DAB1: variants seen among roughly 807,000 people sequenced by gnomAD.
DAB1 encodes the protein DAB adaptor protein 1, also known as disabled homolog 1.
DAB1 carries 15 observed loss-of-function variants against 64.6 expected under a neutral mutation model. The ratio of observed to expected loss-of-function variants is 0.23; its 90% CI spans 0.16 to 0.36. The LOEUF (loss-of-function observed/expected upper bound fraction) is 0.36, where lower values mean the gene tolerates loss of function less well. Among genes scored for constraint, DAB1 ranks in the 10% least tolerant of loss-of-function variants. The probability of loss-of-function intolerance (pLI) is 1.00; values close to 1 mark genes in which losing one functional copy is unlikely to be tolerated. For synonymous variants in DAB1, 235 were observed against 251.9 expected (o/e 0.93, Z 0.64); for missense variants, 596 against 706.7 (o/e 0.84, Z 1.78).
chr1:57,855,511 C>A (rs1653712655), intron 1 of DAB1, among the ~76,000 whole-genome samples: 5 of 152,008 alleles, frequency 3.3e-5, no homozygotes, highest in Admixed American at 3.3e-4. Flanking sequence ...AGTGATGGTG[C>A]TTTCAGGTTG....
chr1:57,529,533 A>T (rs895608244), intron 7 of DAB1, among the ~76,000 whole-genome samples: 4 of 152,126 alleles, frequency 2.6e-5, no homozygotes, highest in African/African-American at 9.6e-5. Context: ...AAGAATGAAA[A>T]GCTATACAAT....
intron 4 of DAB1, among the ~76,000 whole-genome samples, chr1:57,087,637 C>A (rs950562952): frequency 1.1e-4 from 17 of 152,248 alleles, no homozygotes; most frequent in African/African-American, 3.9e-4. Context: ...GAAGCCTGTG[C>A]CTGTCATTTT....
chr1:58,033,745 A>G (rs78437934), intron 5 of DAB1, among the ~76,000 whole-genome samples: 5,392 of 152,278 alleles, frequency 0.035, 227 homozygotes, highest in African/African-American at 0.11. Context: ...ACTACTCTAC[A>G]TTTTGAAGAT....
intron 7 of DAB1, among the ~76,000 whole-genome samples, chr1:57,628,341 A>G (rs944128645): frequency 6.6e-6 from 1 of 152,234 alleles, no homozygotes; most frequent in Non-Finnish European, 1.5e-5. Flanking sequence ...TTGAAGACAC[A>G]AAGGAATCGG....
chr1:57,343,446 G>A (rs954790792), intron 1 of DAB1, among the ~76,000 whole-genome samples: 3 of 152,206 alleles, frequency 2.0e-5, no homozygotes, highest in African/African-American at 4.8e-5. Flanking sequence ...CGCACCGTGC[G>A]CCCGCACTCC....
intron 7 of DAB1, among the ~76,000 whole-genome samples, chr1:57,449,172 G>A (rs1686257869): frequency 6.6e-6 from 1 of 152,076 alleles, no homozygotes; most frequent in Non-Finnish European, 1.5e-5. Flanking sequence ...ACACTTCAAA[G>A]GAGAAATGTG....
intron 6 of DAB1, among the ~76,000 whole-genome samples, chr1:57,657,362 G>T (rs549471825): frequency 2.6e-5 from 4 of 152,290 alleles, no homozygotes; most frequent in African/African-American, 9.6e-5. Context: ...CATAGCAAAG[G>T]TGTGAGCAGT....
intron 6 of DAB1, among the ~76,000 whole-genome samples, chr1:57,687,464 C>T (rs778775661): frequency 4.6e-5 from 7 of 151,812 alleles, no homozygotes; most frequent in Non-Finnish European, 7.4e-5. Flanking sequence ...ACCATACTGC[C>T]CAAAGTAATC....
rs1399654324 is a variant in DAB1, at chr1:57,284,099, CATT to C, written c.67+6862_67+6864del. ...AAAGAGTTTTAATGAGAATCATCCT[CATT>C]ATGATAAACATGGAATATTTTAATG... On this transcript the variant is annotated intron_variant, in intron 2 of 14. Coordinates refer to ENST00000371236, the MANE Select transcript of DAB1 (RefSeq NM_001365792.1). 6.6e-5 allele frequency among the ~76,000 whole-genome samples: 10 copies of C among 152,212 alleles called. No individual in the cohort carries two copies. In the East Asian group the frequency reaches 1.7e-3, roughly 26 times the overall value.
intron 7 of DAB1, among the ~76,000 whole-genome samples, chr1:57,648,993 G>A (rs1433940951): frequency 1.3e-5 from 2 of 152,154 alleles, no homozygotes; most frequent in African/African-American, 2.4e-5. Flanking sequence ...AAGAATAGGC[G>A]TTTTCAATTG....
chr1:57,936,496 A>G (rs1645026354), intron 5 of DAB1, among the ~76,000 whole-genome samples: 1 of 152,166 alleles, frequency 6.6e-6, no homozygotes, highest in Non-Finnish European at 1.5e-5. Context: ...GGTTCAAGCA[A>G]TTCTCCTGCC....
At chr1:57,374,829 A>G (rs1022298522) in intron 1 of DAB1, among the ~76,000 whole-genome samples, 2 of 152,212 alleles carry the variant, frequency 1.3e-5, no homozygotes, top group East Asian at 3.8e-4. Context: ...AATATTTCAC[A>G]TGAAGCCAGT....
At chr1:58,421,828 C>T (rs945591433) in intron 3 of DAB1, among the ~76,000 whole-genome samples, 1 of 152,124 alleles carries the variant, frequency 6.6e-6, no homozygotes, top group East Asian at 1.9e-4. Context: ...ATTTGAAGGG[C>T]TGTCATGAGG....
chr1:57,063,061 C>T, intron 8 of DAB1, 118 bp from the exon 9 acceptor site: 1 of 809,200 alleles, frequency 1.2e-6, no homozygotes, highest in Middle Eastern at 2.3e-4. Flanking sequence ...GCCCCAGGGA[C>T]AAGCCCATGG....
At chr1:58,387,014 C>A (rs564839287) in intron 3 of DAB1, among the ~76,000 whole-genome samples, 2 of 152,148 alleles carry the variant, frequency 1.3e-5, no homozygotes, top group Non-Finnish European at 2.9e-5. Flanking sequence ...GAGCCAAGAT[C>A]ATGCCATTGC....
intron 1 of DAB1, among the ~76,000 whole-genome samples, chr1:57,389,832 A>G (rs940471594): frequency 6.6e-6 from 1 of 152,168 alleles, no homozygotes; most frequent in African/African-American, 2.4e-5. Flanking sequence ...CCCCCATAGA[A>G]ACAAGCTTGA....
chr1:57,074,689 T>C (rs948472326), intron 4 of DAB1, among the ~76,000 whole-genome samples: 3 of 152,208 alleles, frequency 2.0e-5, no homozygotes, highest in African/African-American at 7.2e-5. Context: ...TTGCCCAGGC[T>C]GCCCACTGGC....
At chr1:58,195,366 T>C (rs188862672) in intron 4 of DAB1, among the ~76,000 whole-genome samples, 2 of 152,176 alleles carry the variant, frequency 1.3e-5, no homozygotes, top group East Asian at 3.9e-4. Context: ...GATGATAGAA[T>C]TGCAGAGATG....
At chr1:58,494,029 T>C (rs1346860213) in intron 3 of DAB1, among the ~76,000 whole-genome samples, 1 of 151,948 alleles carries the variant, frequency 6.6e-6, no homozygotes, top group Non-Finnish European at 1.5e-5. Flanking sequence ...ACTACAAGGC[T>C]ACAGTAACCA....
Sources: gnomAD v4.1 joint callset for allele counts (sites outside exome capture counted in the v4.1 genomes callset) on GRCh38, gnomAD v4.1.1 for gene constraint, MANE v1.5 for transcripts, NCBI Gene and HGNC (gene_info 2026-07-23, HGNC 2026-07-21) for gene names.